The following CLASRP variants were observed in gnomAD, a reference collection of about 807,000 sequenced individuals.
CLASRP encodes the protein CLK4-associating serine/arginine rich protein.
Under a neutral mutation model 99.9 loss-of-function variants are expected in CLASRP, and 52 were observed. The ratio of observed to expected loss-of-function variants is 0.52; its 90% CI spans 0.42 to 0.66. The LOEUF (loss-of-function observed/expected upper bound fraction) is 0.66, where lower values mean the gene tolerates loss of function less well. Among genes scored for constraint, CLASRP ranks in the 30% least tolerant of loss-of-function variants. CLASRP has a pLI of 0.00. For missense variants in CLASRP, 848 were observed against 999.2 expected, an observed-to-expected ratio of 0.85 and a Z score of 2.04; for synonymous variants, 379 against 373.0, an observed-to-expected ratio of 1.02 and a Z score of -0.18.
intron 7 of CLASRP, among the ~76,000 whole-genome samples, chr19:45,058,762 C>T (rs1972169071): frequency 6.6e-6 from 1 of 152,028 alleles, no homozygotes; most frequent in African/African-American, 2.4e-5. Flanking sequence ...TGGCTTATCA[C>T]ACGCCCTGCT....
intron 11 of CLASRP, among the ~76,000 whole-genome samples, chr19:45,063,473 TCTCA>T (rs1271113344): frequency 2.2e-5 from 3 of 134,866 alleles, no homozygotes; most frequent in Non-Finnish European, 4.6e-5. Flanking sequence ...TGAGACGGAG[TCTCA>T]CTCTGTTGCC....
Position 45,070,864 on chromosome 19 carries a change from GGGAGGAC to G in CLASRP, c.*20_*26del. Reference sequence around the variant, plus strand: ...ACATTAGGCAGAAGAGTGGGGGGTGGGGAGGACAAGGGGGTGGGTAAGGGGCTCAAGC... The same window carrying G: ...ACATTAGGCAGAAGAGTGGGGGGTGGAAGGGGGTGGGTAAGGGGCTCAAGC... On this transcript the variant is annotated 3_prime_UTR_variant, in exon 21 of 21. Coordinates refer to ENST00000221455, the MANE Select transcript of CLASRP (RefSeq NM_007056.3). The G allele has an allele frequency of 6.9e-7, 1 of 1,458,054 alleles. No homozygotes were observed. Among genetic ancestry groups the G allele is most frequent in the Non-Finnish European group, 9.5e-7 (1 of 1,047,468 alleles). 90.3% of individuals were successfully genotyped at this position (1,458,054 alleles called of 1,614,324 possible). A position where few individuals can be genotyped will look rare whatever the true frequency, so the allele number is the denominator to read the frequency against.
intron 16 of CLASRP, among the ~76,000 whole-genome samples, chr19:45,068,707 G>A (rs1967156433): frequency 6.6e-6 from 1 of 152,204 alleles, no homozygotes; most frequent in Non-Finnish European, 1.5e-5. Context: ...ATTTTAGAGA[G>A]TGGGGCTCTT....
Position 45,062,912 on chromosome 19 carries a change from T to C in CLASRP, c.905+717T>C, listed in dbSNP as rs1966974004. On this transcript the variant is annotated intron_variant, in intron 11 of 20. Transcript: ENST00000221455. Reference sequence around the variant, plus strand: ...AAGAGTGGTTGGAGAAGGGATTTTGTGAGGGACCAAGCTCAGTCTGATCCC... The same window carrying C: ...AAGAGTGGTTGGAGAAGGGATTTTGCGAGGGACCAAGCTCAGTCTGATCCC... Among the ~76,000 whole-genome samples the C allele has an allele frequency of 2.0e-5, 3 of 152,014 alleles. No individual in the cohort carries two copies. In the South Asian group the frequency reaches 6.2e-4, roughly 31 times the overall value.
intron 11 of CLASRP, 76 bp from the exon 12 acceptor site, chr19:45,063,936 T>C (rs1021041875): frequency 4.7e-6 from 7 of 1,494,608 alleles, no homozygotes; most frequent in Non-Finnish European, 6.3e-6. Flanking sequence ...GGCGCTGCTG[T>C]TGATCTGCTG....
At chr19:45,065,490 G>GGCGGAGGTTGCAGTGA (rs1227820903) in intron 13 of CLASRP, among the ~76,000 whole-genome samples, 1 of 152,044 alleles carries the variant, frequency 6.6e-6, no homozygotes. Context: ...CAGCCCCGCA[G>GGCGGAGGTTGCAGTGA]GCGGAGGTTG....
chr19:45,070,283 C>T (rs1230433236), intron 19 of CLASRP, among the ~76,000 whole-genome samples, 179 bp downstream of exon 19: 2 of 152,154 alleles, frequency 1.3e-5, no homozygotes, highest in Admixed American at 6.5e-5. Context: ...CCAGCCTGAC[C>T]AACATGGTGA....
At chr19:45,068,831 A>T (rs1179042679) in intron 16 of CLASRP, among the ~76,000 whole-genome samples, 2 of 152,010 alleles carry the variant, frequency 1.3e-5, no homozygotes, top group African/African-American at 2.4e-5. Flanking sequence ...TCTCTCTAAA[A>T]CTACAAAAAA....
Position 45,060,531 on chromosome 19 carries a change from A to T in CLASRP, c.790-23A>T. The T allele has an allele frequency of 1.9e-6, 3 of 1,613,738 alleles. No homozygotes were observed. The highest frequency in any genetic ancestry group is 2.5e-6 in the Non-Finnish European group (3 of 1,179,758). On this transcript the variant is annotated intron_variant, in intron 9 of 20. Transcript: ENST00000221455. This position sits in a 1 kb window ranked among gnomAD's most constrained non-coding sequence, Gnocchi z 4.6. ...TCACAGGGAGGGCACCCCCTCACCA[A>T]CCTGGCACCCACCCTACTCCAGGGA...
chr19:45,056,143 CAGTG>C lies in CLASRP; in HGVS notation c.380-304_380-301del, dbSNP rs369259682. Among the ~76,000 whole-genome samples the C allele has an allele frequency of 7.9e-3, 1,197 of 152,280 alleles. 11 individuals carry two copies. Among genetic ancestry groups the C allele is most frequent in the Middle Eastern group, 0.027 (8 of 294 alleles). Reference sequence around the variant, plus strand: ...GGGTCCAGCCAGAGGCCTCCAGAAACAGTGAGAATGGTGGTAGAGTGCCCAAGTA... The same window carrying C: ...GGGTCCAGCCAGAGGCCTCCAGAAACAGAATGGTGGTAGAGTGCCCAAGTA... On this transcript the variant is annotated intron_variant, in intron 5 of 20. Transcript: ENST00000221455.
At chr19:45,048,140 T>C (rs185830432) in intron 2 of CLASRP, among the ~76,000 whole-genome samples, 101 of 151,900 alleles carry the variant, frequency 6.6e-4, no homozygotes, top group Middle Eastern at 6.8e-3. Context: ...GATTTTGTAG[T>C]CAGGCCCATC....
rs184645633 is a variant in CLASRP, at chr19:45,060,873, C to T, written c.863+246C>T. 3.5e-3 allele frequency among the ~76,000 whole-genome samples: 534 copies of T among 152,330 alleles called. 2 individuals carry two copies. Among genetic ancestry groups the T allele is most frequent in the African/African-American group, 0.012 (508 of 41,572 alleles). On this transcript the variant is annotated intron_variant, in intron 10 of 20. Coordinates refer to ENST00000221455, the MANE Select transcript of CLASRP (RefSeq NM_007056.3). The surrounding 1 kb of genome is among the most constrained non-coding windows in gnomAD (Gnocchi z 4.6). ...GGGGCCCTTGCCAGACTCCCAGGAG[C>T]CCATGCACAGGCGGCATAAGGCTCT... is the stretch of plus-strand genomic sequence containing the variant.
intron 19 of CLASRP, among the ~76,000 whole-genome samples, 196 bp from the exon 20 acceptor site, chr19:45,070,341 T>C (rs958123166): frequency 6.6e-6 from 1 of 151,922 alleles, no homozygotes; most frequent in Non-Finnish European, 1.5e-5. Context: ...AGTCACAAGG[T>C]GATTGCAGCA....
chr19:45,039,327 G>A (rs1262152794), intron 1 of CLASRP, among the ~76,000 whole-genome samples: 10 of 151,328 alleles, frequency 6.6e-5, no homozygotes. Context: ...CTTCGGCCCA[G>A]CAGCTTATCA....
chr19:45,066,613 A>G (rs1967092244), intron 13 of CLASRP, among the ~76,000 whole-genome samples: 1 of 131,146 alleles, frequency 7.6e-6, no homozygotes, highest in Admixed American at 8.1e-5. Context: ...CGACAGAGAG[A>G]GACTGTCTCA....
Position 45,064,172 on chromosome 19 carries a change from C to T in CLASRP, c.1066C>T (p.Pro356Ser). The change falls in exon 12 of 21, where the codon CCC (proline) becomes TCC (serine). Residue 356 changes from proline to serine, a missense_variant. This residue lies in a region of CLASRP where 489 missense variants were observed against 434.7 expected (regional missense o/e 1.12). Transcript: ENST00000221455. ...AGCATCAGGAGTCACCACAGGGAAGCCCCCCGCACCTCCCCAGCCTGGCGG... is the reference window on the plus strand; with the variant it reads ...AGCATCAGGAGTCACCACAGGGAAGTCCCCCGCACCTCCCCAGCCTGGCGG... ...AAASGVTTGK[P>S]PAPPQPGGPA... 6.2e-7 allele frequency: 1 copy of T among 1,609,792 alleles called. No individual in the cohort carries two copies. The highest frequency in any genetic ancestry group is 8.5e-7 in the Non-Finnish European group (1 of 1,178,774).
chr19:45,068,078 C>T, intron 15 of CLASRP, 24 bp downstream of exon 15: 1 of 1,611,926 alleles, frequency 6.2e-7, no homozygotes. Flanking sequence ...TGGAACTCGC[C>T]CGTCTAATTC....
chr19:45,068,268 C>T, intron 15 of CLASRP, 152 bp from the exon 16 acceptor site: 1 of 665,498 alleles, frequency 1.5e-6, no homozygotes, highest in Non-Finnish European at 2.8e-6. Flanking sequence ...CCTCTGGGAG[C>T]CTCAGGGCTG....
intron 15 of CLASRP, 109 bp from the exon 16 acceptor site, chr19:45,068,311 T>TACCC: frequency 1.8e-6 from 1 of 543,532 alleles, no homozygotes; most frequent in Non-Finnish European, 3.3e-6. Flanking sequence ...CACGTCGTTC[T>TACCC]CCCCCCCCCA....
Sources: gnomAD v4.1 joint callset for allele counts (sites outside exome capture counted in the v4.1 genomes callset) on GRCh38, gnomAD v4.1.1 for gene constraint, gnomAD v4.1.1 regional missense constraint, Gnocchi (gnomAD v3.1) non-coding constraint, MANE v1.5 for transcripts, NCBI Gene and HGNC (gene_info 2026-07-23, HGNC 2026-07-21) for gene names.